TCERG1L: variants seen among roughly 807,000 people sequenced by gnomAD.
TCERG1L encodes the protein transcription elongation regulator 1 like, also known as transcription elongation regulator 1-like protein.
TCERG1L carries 37 observed loss-of-function variants against 56.3 expected under a neutral mutation model. That is an observed-to-expected ratio of 0.66 (90% CI 0.51 to 0.87). The LOEUF (loss-of-function observed/expected upper bound fraction) is 0.87. TCERG1L is among the 40% of genes least tolerant of loss of function. TCERG1L has a pLI of 0.00. For synonymous variants in TCERG1L, 324 were observed against 326.3 expected (o/e 0.99, Z 0.08); for missense variants, 799 against 774.2 (o/e 1.03, Z -0.38).
intron 3 of TCERG1L, among the ~76,000 whole-genome samples, chr10:131,284,220 C>G (rs1234533989): frequency 3.3e-5 from 5 of 150,836 alleles, no homozygotes; most frequent in African/African-American, 1.2e-4. Context: ...ATACAGCCCA[C>G]AGTTTACTTC....
At chr10:131,291,397 ATTTCTTT>A (rs1846621504) in intron 3 of TCERG1L, among the ~76,000 whole-genome samples, 18 of 60,228 alleles carry the variant, frequency 3.0e-4, no homozygotes, top group East Asian at 4.7e-4. Context: ...CATAAACAGC[ATTTCTTT>A]TTTTTTTTTT....
chr10:131,208,435 C>T (rs550625427), intron 4 of TCERG1L, among the ~76,000 whole-genome samples: 4 of 152,298 alleles, frequency 2.6e-5, no homozygotes, highest in African/African-American at 7.2e-5. Context: ...TGGTGAGCTC[C>T]GCAGAGACCA....
intron 4 of TCERG1L, among the ~76,000 whole-genome samples, chr10:131,201,444 C>T (rs984744109): frequency 2.6e-5 from 4 of 152,122 alleles, no homozygotes; most frequent in African/African-American, 9.7e-5. Flanking sequence ...CCCGGGGTCT[C>T]GTAAGGCGCC....
chr10:131,214,260 G>A lies in TCERG1L; in HGVS notation c.856+45999C>T, dbSNP rs78629884. On this transcript the variant is annotated intron_variant, in intron 4 of 11. Transcript: ENST00000368642. ...AGAGTCCCCTCCATCTCCACTGCAC[G>A]CCCTGCCCCCTGTCCAGGGCACAGT... Among the ~76,000 whole-genome samples the A allele has an allele frequency of 2.3e-3, 343 of 152,152 alleles. 1 individual carries two copies. Among genetic ancestry groups the A allele is most frequent in the Non-Finnish European group, 3.9e-3 (268 of 67,986 alleles).
chr10:131,284,247 CAAAAAG>C (rs1169189349), intron 3 of TCERG1L, among the ~76,000 whole-genome samples: 3 of 150,534 alleles, frequency 2.0e-5, no homozygotes, highest in African/African-American at 7.3e-5. Context: ...AAATGAATAA[CAAAAAG>C]AAAATTTTAA....
At chr10:131,138,869 A>G (rs1845702303) in intron 7 of TCERG1L, among the ~76,000 whole-genome samples, 2 of 152,212 alleles carry the variant, frequency 1.3e-5, no homozygotes, top group Non-Finnish European at 1.5e-5. Context: ...GTGAGAAAAA[A>G]AATCAAGGAC....
intron 4 of TCERG1L, among the ~76,000 whole-genome samples, chr10:131,223,747 G>T (rs1028104215): frequency 3.3e-5 from 5 of 151,682 alleles, no homozygotes; most frequent in Middle Eastern, 3.4e-3. Flanking sequence ...AAGCCTCTGG[G>T]GTCCATCACT....
At chr10:131,110,764 C>T (rs1218868415) in intron 9 of TCERG1L, among the ~76,000 whole-genome samples, 1 of 152,204 alleles carries the variant, frequency 6.6e-6, no homozygotes, top group Non-Finnish European at 1.5e-5. Context: ...GTGCATTGTT[C>T]CAGTGGACGC....
At position 131,283,199 on chromosome 10, in the gene TCERG1L, T is replaced by C. The variant is rs538172594; in HGVS notation, c.671-22755A>G. Reference sequence around the variant, plus strand: ...GAGGAACGGCCTTAGACGGGATGCATTGGTACAGTTGCCAAAGGCTGATCA... The same window carrying C: ...GAGGAACGGCCTTAGACGGGATGCACTGGTACAGTTGCCAAAGGCTGATCA... On this transcript the variant is annotated intron_variant, in intron 3 of 11. Coordinates refer to ENST00000368642, the MANE Select transcript of TCERG1L (RefSeq NM_174937.4). Among the ~76,000 whole-genome samples, 7 of 152,286 alleles carry C rather than the reference T, an allele frequency of 4.6e-5. 1 individual carries two copies. Among genetic ancestry groups the C allele is most frequent in the African/African-American group, 9.6e-5 (4 of 41,562 alleles).
chr10:131,305,560 A>G (rs540820888), intron 3 of TCERG1L, among the ~76,000 whole-genome samples: 2 of 152,234 alleles, frequency 1.3e-5, no homozygotes, highest in East Asian at 3.9e-4. Flanking sequence ...AGTTCATAGT[A>G]TAAATTGCTA....
intron 4 of TCERG1L, among the ~76,000 whole-genome samples, chr10:131,214,188 G>A (rs947393442): frequency 6.6e-6 from 1 of 152,088 alleles, no homozygotes; most frequent in Non-Finnish European, 1.5e-5. Flanking sequence ...GGGAGGGGTG[G>A]GAGCCTGGGG....
chr10:131,309,085 G>A, intron 2 of TCERG1L, 68 bp downstream of exon 2: 1 of 1,542,788 alleles, frequency 6.5e-7, no homozygotes. Flanking sequence ...TATTTTTGTT[G>A]TTATGTCGAT....
chr10:131,254,686 A>C (rs1164876149), intron 4 of TCERG1L, among the ~76,000 whole-genome samples: 1 of 152,160 alleles, frequency 6.6e-6, no homozygotes, highest in Non-Finnish European at 1.5e-5. Context: ...GGAGGACGGC[A>C]GTGCCGAGGG....
intron 3 of TCERG1L, among the ~76,000 whole-genome samples, chr10:131,306,883 A>G (rs1231402947): frequency 6.6e-6 from 1 of 152,200 alleles, no homozygotes; most frequent in African/African-American, 2.4e-5. Flanking sequence ...AGGTGAAGGC[A>G]TGGTGGAAAA....
At chr10:131,246,820 TC>T (rs1456487578) in intron 4 of TCERG1L, among the ~76,000 whole-genome samples, 1 of 152,252 alleles carries the variant, frequency 6.6e-6, no homozygotes, top group Non-Finnish European at 1.5e-5. Context: ...CTACAAGGCA[TC>T]CCCCTGCCGG....
intron 4 of TCERG1L, among the ~76,000 whole-genome samples, chr10:131,253,773 G>A (rs1006952565): frequency 5.9e-5 from 9 of 152,120 alleles, no homozygotes; most frequent in Non-Finnish European, 7.3e-5. Flanking sequence ...GGTGTGGCTG[G>A]ATGCTGTTCA....
intron 4 of TCERG1L, among the ~76,000 whole-genome samples, chr10:131,167,725 T>C (rs1293553086): frequency 1.3e-5 from 2 of 152,232 alleles, no homozygotes; most frequent in African/African-American, 4.8e-5. Context: ...TGGTGGGCCC[T>C]GGTTTTTCCA....
chr10:131,138,166 G>A (rs975263781), intron 7 of TCERG1L, among the ~76,000 whole-genome samples: 1 of 152,186 alleles, frequency 6.6e-6, no homozygotes, highest in Admixed American at 6.5e-5. Flanking sequence ...CTACTCAGGA[G>A]GCTGAGGCAG....
Position 131,123,669 on chromosome 10 carries a change from T to C in TCERG1L, c.1260-6735A>G, listed in dbSNP as rs115786985. Among the ~76,000 whole-genome samples the C allele has an allele frequency of 2.6e-3, 401 of 152,028 alleles. 5 individuals carry two copies. The highest frequency in any genetic ancestry group is 9.2e-3 in the African/African-American group (383 of 41,510). On this transcript the variant is annotated intron_variant, in intron 8 of 11. Transcript: ENST00000368642. ...CATCCTGGCCTCCGACTGCCCTGAG[T>C]CCTGACTTAGCGCTCGCTTCTCTGC...
Sources: gnomAD v4.1 joint callset for allele counts (sites outside exome capture counted in the v4.1 genomes callset) on GRCh38, gnomAD v4.1.1 for gene constraint, MANE v1.5 for transcripts, NCBI Gene and HGNC (gene_info 2026-07-23, HGNC 2026-07-21) for gene names.